THSD7A: variants seen among roughly 807,000 people sequenced by gnomAD.
THSD7A encodes thrombospondin type 1 domain containing 7A.
Under a neutral mutation model 231.3 loss-of-function variants are expected in THSD7A, and 96 were observed. That is an observed-to-expected ratio of 0.41 (90% CI 0.35 to 0.49). The LOEUF (loss-of-function observed/expected upper bound fraction) is 0.49. Among genes scored for constraint, THSD7A ranks in the 20% least tolerant of loss-of-function variants. The probability of loss-of-function intolerance (pLI) is 0.05; values close to 1 mark genes in which losing one functional copy is unlikely to be tolerated. For missense variants in THSD7A, 2,290 were observed against 2,070.2 expected, an observed-to-expected ratio of 1.11 and a Z score of -2.06; for synonymous variants, 940 against 743.3, an observed-to-expected ratio of 1.26 and a Z score of -4.30.
chr7:11,609,212 T>C (rs371561603), intron 2 of THSD7A, among the ~76,000 whole-genome samples: 1 of 152,216 alleles, frequency 6.6e-6, no homozygotes. Flanking sequence ...CAGGGTTCTT[T>C]ACAGCTTCCC....
At chr7:11,593,030 A>C (rs1393912406) in intron 3 of THSD7A, among the ~76,000 whole-genome samples, 2 of 152,188 alleles carry the variant, frequency 1.3e-5, no homozygotes, top group African/African-American at 4.8e-5. Context: ...GGCAACTCCT[A>C]TTATAGAAAA....
At chr7:11,405,580 C>T (rs1282312072) in intron 22 of THSD7A, among the ~76,000 whole-genome samples, 2 of 152,180 alleles carry the variant, frequency 1.3e-5, no homozygotes, top group East Asian at 1.9e-4. Flanking sequence ...ATTAAATTTC[C>T]TCTACAATTC....
intron 1 of THSD7A, among the ~76,000 whole-genome samples, chr7:11,657,899 T>C (rs901448164): frequency 3.3e-5 from 5 of 151,782 alleles, no homozygotes; most frequent in African/African-American, 1.2e-4. Flanking sequence ...GATTCTGAAT[T>C]AAAAATAATA....
intron 17 of THSD7A, among the ~76,000 whole-genome samples, chr7:11,415,572 C>T (rs1465063050): frequency 6.6e-6 from 1 of 151,968 alleles, no homozygotes; most frequent in East Asian, 1.9e-4. Flanking sequence ...TTGATTTTTC[C>T]TCTATTACCT....
rs200533141 is a variant in THSD7A at position 11,475,310 on chromosome 7, A to G, written c.2018-742T>C. Among the ~76,000 whole-genome samples, 5 of 152,082 alleles carry G rather than the reference A, an allele frequency of 3.3e-5. No individual in the cohort carries two copies. In the East Asian group the frequency reaches 7.7e-4, roughly 23 times the overall value. On this transcript the variant is annotated intron_variant, in intron 7 of 27. Coordinates refer to ENST00000423059, the MANE Select transcript of THSD7A (RefSeq NM_015204.3). ...GGGTGAAAAGTGCATTGGCAAGGAT[A>G]TGCTTTGGGGGTACCGAATTGGAAC...
At chr7:11,505,133 A>T (rs1787491669) in intron 6 of THSD7A, among the ~76,000 whole-genome samples, 1 of 152,202 alleles carries the variant, frequency 6.6e-6, no homozygotes, top group Non-Finnish European at 1.5e-5. Flanking sequence ...TCTTGAATTC[A>T]TGAAGCTTTA....
chr7:11,751,623 C>G lies in THSD7A; in HGVS notation c.190+80134G>C, dbSNP rs145123404. On this transcript the variant is annotated intron_variant, in intron 1 of 27. Coordinates refer to ENST00000423059, the MANE Select transcript of THSD7A (RefSeq NM_015204.3). Reference sequence around the variant, plus strand: ...AATCTTCTTTGCAGGCAGTGACCCACCTGATCCCATAACTCCTAGTCTAAT... The same window carrying G: ...AATCTTCTTTGCAGGCAGTGACCCAGCTGATCCCATAACTCCTAGTCTAAT... Among the ~76,000 whole-genome samples, 969 of 152,078 alleles carry G rather than the reference C, an allele frequency of 6.4e-3. 9 individuals are homozygous for G. Among genetic ancestry groups the G allele is most frequent in the African/African-American group, 0.022 (927 of 41,524 alleles).
At chr7:11,721,052 G>A (rs1457646404) in intron 1 of THSD7A, among the ~76,000 whole-genome samples, 3 of 151,764 alleles carry the variant, frequency 2.0e-5, no homozygotes, top group Admixed American at 6.6e-5. Context: ...TGCCTCTCAG[G>A]TTTCTGATTT....
At chr7:11,559,397 T>C (rs113494621) in intron 4 of THSD7A, among the ~76,000 whole-genome samples, 6 of 152,138 alleles carry the variant, frequency 3.9e-5, no homozygotes, top group African/African-American at 1.4e-4. Context: ...CTATGTAAGT[T>C]GGTGGAGGGT....
intron 1 of THSD7A, among the ~76,000 whole-genome samples, chr7:11,735,314 G>T (rs1244198311): frequency 6.6e-6 from 1 of 151,788 alleles, no homozygotes; most frequent in Non-Finnish European, 1.5e-5. Context: ...ATTACAGGTT[G>T]AGCATCCCTA....
chr7:11,828,513 T>C (rs1195899675), intron 1 of THSD7A, among the ~76,000 whole-genome samples: 4 of 152,308 alleles, frequency 2.6e-5, no homozygotes, highest in East Asian at 1.9e-4. Flanking sequence ...GTGTATGGTA[T>C]GCCATGTTGT....
chr7:11,701,935 T>A (rs1287073280), intron 1 of THSD7A, among the ~76,000 whole-genome samples: 2 of 150,800 alleles, frequency 1.3e-5, no homozygotes, highest in African/African-American at 2.4e-5. Context: ...CTGAGCACAC[T>A]TTTTCCCCTG....
chr7:11,760,368 T>C (rs1782814736), intron 1 of THSD7A, among the ~76,000 whole-genome samples: 1 of 151,992 alleles, frequency 6.6e-6, no homozygotes, highest in Non-Finnish European at 1.5e-5. Context: ...AAATCTGTAG[T>C]GGGCAAAAAA....
chr7:11,667,385 G>A (rs1783181395), intron 1 of THSD7A, among the ~76,000 whole-genome samples: 1 of 152,116 alleles, frequency 6.6e-6, no homozygotes, highest in East Asian at 1.9e-4. Flanking sequence ...TGTGAAATCA[G>A]TATTGCCTCA....
chr7:11,474,365 G>T lies in THSD7A; in HGVS notation c.2221C>A (p.Arg741=), dbSNP rs1356637215. 2 of 1,613,108 alleles carry T rather than the reference G, an allele frequency of 1.2e-6. No homozygotes were observed. The highest frequency in any genetic ancestry group is 1.7e-6 in the Non-Finnish European group (2 of 1,179,422). ...GGTCCCACTTGGCCCACATTGACTC[G>T]CACACAGATGACTTTTCTTGTCTGC... ...GMQTRKVICV[R]VNVGQVGPKK... The change falls in exon 8 of 28, where the codon CGA becomes AGA. Residue 741 remains arginine, a synonymous_variant. Transcript: ENST00000423059. The surrounding 1 kb of genome is among the most constrained non-coding windows in gnomAD (Gnocchi z 4.1).
intron 2 of THSD7A, among the ~76,000 whole-genome samples, chr7:11,605,999 T>A (rs1043706313): frequency 6.6e-6 from 1 of 152,128 alleles, no homozygotes; most frequent in Non-Finnish European, 1.5e-5. Context: ...TTGGGAAATA[T>A]CAATTTTAGT....
intron 1 of THSD7A, among the ~76,000 whole-genome samples, chr7:11,805,723 T>C (rs940357821): frequency 6.6e-6 from 1 of 152,088 alleles, no homozygotes; most frequent in Non-Finnish European, 1.5e-5. Context: ...TACAAATACA[T>C]GCAATTTTAA....
At position 11,646,012 on chromosome 7, in the gene THSD7A, T is replaced by C. The variant is rs148694727; in HGVS notation, c.191-9051A>G. Among the ~76,000 whole-genome samples, 240 of 152,126 alleles carry C rather than the reference T, an allele frequency of 1.6e-3. 2 individuals carry two copies. Among genetic ancestry groups the C allele is most frequent in the African/African-American group, 5.4e-3 (223 of 41,562 alleles). ...TTCCCAATTTTTGAGTAAAGTCTCATGCAAATAAGGGGATGCAAAAACAAT... is the reference window on the plus strand; with the variant it reads ...TTCCCAATTTTTGAGTAAAGTCTCACGCAAATAAGGGGATGCAAAAACAAT... On this transcript the variant is annotated intron_variant, in intron 1 of 27. Coordinates refer to ENST00000423059, the MANE Select transcript of THSD7A (RefSeq NM_015204.3).
intron 13 of THSD7A, among the ~76,000 whole-genome samples, chr7:11,433,102 G>A (rs1230029413): frequency 2.6e-5 from 4 of 151,976 alleles, no homozygotes; most frequent in African/African-American, 4.8e-5. Flanking sequence ...ATGACTTTTG[G>A]AGTATCGATA....
Sources: gnomAD v4.1 joint callset for allele counts (sites outside exome capture counted in the v4.1 genomes callset) on GRCh38, gnomAD v4.1.1 for gene constraint, Gnocchi (gnomAD v3.1) non-coding constraint, MANE v1.5 for transcripts, NCBI Gene and HGNC (gene_info 2026-07-23, HGNC 2026-07-21) for gene names.